Variants in IMMP2L observed in about 807,000 individuals in gnomAD.
IMMP2L encodes the protein mitochondrial inner membrane protease subunit 2.
In IMMP2L, 18 loss-of-function variants were observed where a neutral mutation model predicts 19.3. The observed-to-expected ratio is 0.93, with a 90% CI of 0.64 to 1.38. The LOEUF (loss-of-function observed/expected upper bound fraction) is 1.38, where lower values mean the gene tolerates loss of function less well. IMMP2L is among the 40% of genes most tolerant of loss of function. IMMP2L has a pLI of 0.00. For synonymous variants in IMMP2L, 76 were observed against 73.0 expected (o/e 1.04, Z -0.21); for missense variants, 233 against 218.2 (o/e 1.07, Z -0.43).
intron 1 of IMMP2L, among the ~76,000 whole-genome samples, chr7:111,555,080 A>G (rs533457913): frequency 2.2e-4 from 34 of 152,098 alleles, no homozygotes; most frequent in Non-Finnish European, 4.1e-4. Flanking sequence ...TCAGATCCCT[A>G]TGTTACTCAT....
At chr7:111,043,221 T>C (rs964273968) in intron 3 of IMMP2L, among the ~76,000 whole-genome samples, 2 of 152,226 alleles carry the variant, frequency 1.3e-5, no homozygotes, top group African/African-American at 4.8e-5. Context: ...AGAGGATCCT[T>C]TCCTAAAGGT....
At chr7:110,687,704 G>A (rs1159209879) in intron 5 of IMMP2L, among the ~76,000 whole-genome samples, 1 of 152,058 alleles carries the variant, frequency 6.6e-6, no homozygotes. Context: ...GCCAAAGCAT[G>A]TGTACGTAAA....
chr7:110,859,425 A>C (rs1192121685), intron 5 of IMMP2L, among the ~76,000 whole-genome samples: 1 of 151,908 alleles, frequency 6.6e-6, no homozygotes, highest in Non-Finnish European at 1.5e-5. Flanking sequence ...AGTTTAGTAC[A>C]AATATTGATT....
intron 3 of IMMP2L, among the ~76,000 whole-genome samples, chr7:111,196,411 A>G (rs1228554825): frequency 6.6e-6 from 1 of 152,222 alleles, no homozygotes; most frequent in African/African-American, 2.4e-5. Flanking sequence ...CCCATTCATC[A>G]CTAGGAGTGT....
At chr7:111,341,543 C>T (rs971016129) in intron 3 of IMMP2L, among the ~76,000 whole-genome samples, 1 of 152,084 alleles carries the variant, frequency 6.6e-6, no homozygotes, top group African/African-American at 2.4e-5. Flanking sequence ...CTTGAAATAA[C>T]TATTTCATTA....
At chr7:111,229,000 TG>T (rs1240254429) in intron 3 of IMMP2L, among the ~76,000 whole-genome samples, 1 of 151,094 alleles carries the variant, frequency 6.6e-6, no homozygotes, top group African/African-American at 2.4e-5. Flanking sequence ...TGTGTGTGTG[TG>T]TGTGTATCAG....
At chr7:111,556,039 T>TATATATATATATATATATATATATAC (rs1192398339) in intron 1 of IMMP2L, among the ~76,000 whole-genome samples, 1 of 139,594 alleles carries the variant, frequency 7.2e-6, no homozygotes, top group East Asian at 2.2e-4. Context: ...TATATATACA[T>TATATATATATATATATATATATATAC]ACCCAAAGAA....
intron 3 of IMMP2L, among the ~76,000 whole-genome samples, chr7:111,264,310 G>A (rs779531651): frequency 6.6e-6 from 1 of 152,120 alleles, no homozygotes; most frequent in Non-Finnish European, 1.5e-5. Flanking sequence ...GGCCTCCTCT[G>A]TTTAAGAGGA....
chr7:111,533,367 A>G (rs928628759), intron 1 of IMMP2L, among the ~76,000 whole-genome samples: 1 of 152,220 alleles, frequency 6.6e-6, no homozygotes, highest in Non-Finnish European at 1.5e-5. Context: ...AACTGTGGCT[A>G]GAGTTGAAAT....
chr7:110,772,052 A>G (rs1198604072), intron 5 of IMMP2L, among the ~76,000 whole-genome samples: 1 of 152,156 alleles, frequency 6.6e-6, no homozygotes, highest in African/African-American at 2.4e-5. Flanking sequence ...GAAATCTAGC[A>G]GCATATGAAA....
chr7:111,448,852 C>A (rs1378307693), intron 3 of IMMP2L, among the ~76,000 whole-genome samples: 1 of 113,486 alleles, frequency 8.8e-6, no homozygotes, highest in Non-Finnish European at 1.8e-5. Context: ...ATCAAATAGA[C>A]ACAATAAAAA....
At chr7:111,377,088 T>C (rs1017467269) in intron 3 of IMMP2L, among the ~76,000 whole-genome samples, 1 of 151,922 alleles carries the variant, frequency 6.6e-6, no homozygotes, top group Non-Finnish European at 1.5e-5. Flanking sequence ...AATAAATATA[T>C]GTAATATATA....
At chr7:110,845,852 T>C (rs1805604945) in intron 5 of IMMP2L, among the ~76,000 whole-genome samples, 1 of 152,108 alleles carries the variant, frequency 6.6e-6, no homozygotes. Context: ...ACTAGTGCCC[T>C]TATAAAAGAG....
intron 3 of IMMP2L, among the ~76,000 whole-genome samples, chr7:111,465,042 G>A (rs1318338854): frequency 2.0e-5 from 3 of 152,058 alleles, no homozygotes; most frequent in Middle Eastern, 3.4e-3. Context: ...TGATCCACCC[G>A]CCTTGGCCTC....
At chr7:110,930,767 G>C (rs1223408425) in intron 4 of IMMP2L, among the ~76,000 whole-genome samples, 1 of 152,178 alleles carries the variant, frequency 6.6e-6, no homozygotes, top group Non-Finnish European at 1.5e-5. Flanking sequence ...ACTTAGCCCT[G>C]TGGTTTCCAC....
At chr7:110,834,591 T>C (rs551514233) in intron 5 of IMMP2L, among the ~76,000 whole-genome samples, 3 of 152,224 alleles carry the variant, frequency 2.0e-5, no homozygotes, top group African/African-American at 7.2e-5. Flanking sequence ...CATTATACCA[T>C]CTTAGAACAA....
rs201270214 is a variant in IMMP2L at position 110,868,944 on chromosome 7, A to T, written c.408+17649T>A. The stretch of plus-strand genomic sequence containing the variant: ...AAAAAAATTAAAACAAAAAAAAAAG[A>T]GGGAGACTCCAATTATTTTAATATT... On this transcript the variant is annotated intron_variant, in intron 5 of 5. Coordinates refer to ENST00000405709, the MANE Select transcript of IMMP2L (RefSeq NM_032549.4). 4.6e-5 allele frequency among the ~76,000 whole-genome samples: 7 copies of T among 151,822 alleles called. No homozygotes were observed. In the East Asian group the frequency reaches 1.2e-3, roughly 25 times the overall value.
rs992176820 is a variant in IMMP2L at position 111,123,909 on chromosome 7, G to A, written c.240-160344C>T. ...GGTGTGACTGTGTCATCCGTTGGAT[G>A]AACATGAACAAAACCAACATTCGAT... On this transcript the variant is annotated intron_variant, in intron 3 of 5. Coordinates refer to ENST00000405709, the MANE Select transcript of IMMP2L (RefSeq NM_032549.4). This position sits in a 1 kb window ranked among gnomAD's most constrained non-coding sequence, Gnocchi z 6.4. 6.2e-7 allele frequency: 1 copy of A among 1,613,984 alleles called. No individual in the cohort carries two copies. The highest frequency in any genetic ancestry group is 1.1e-5 in the South Asian group (1 of 91,072).
chr7:110,965,795 T>TATATTAACAAAGATG (rs1819480214), intron 3 of IMMP2L, among the ~76,000 whole-genome samples: 2 of 152,018 alleles, frequency 1.3e-5, no homozygotes, highest in African/African-American at 4.8e-5. Context: ...AAAGATGTAC[T>TATATTAACAAAGATG]ACTAATAATA....
Sources: allele counts gnomAD v4.1 joint callset (sites outside exome capture counted in the v4.1 genomes callset), GRCh38; gene constraint gnomAD v4.1.1; non-coding constraint Gnocchi (gnomAD v3.1); transcripts MANE v1.5; gene names NCBI Gene and HGNC (gene_info 2026-07-23, HGNC 2026-07-21).